The following KCNAB1 variants were observed in gnomAD, a reference collection of about 807,000 sequenced individuals.
KCNAB1 encodes voltage-gated potassium channel subunit beta-1.
Under a neutral mutation model 64.6 loss-of-function variants are expected in KCNAB1, and 35 were observed. The ratio of observed to expected loss-of-function variants is 0.54; its 90% confidence interval spans 0.41 to 0.72. The LOEUF is 0.72. Among genes scored for constraint, KCNAB1 ranks in the 30% least tolerant of loss-of-function variants. KCNAB1 has a pLI of 0.00. For synonymous variants in KCNAB1, 177 were observed against 183.8 expected, an observed-to-expected ratio of 0.96 and a Z score of 0.30; for missense variants, 401 against 512.9, an observed-to-expected ratio of 0.78 and a Z score of 2.11.
chr3:156,301,753 T>C (rs982491497), intron 1 of KCNAB1, among the ~76,000 whole-genome samples: 2 of 152,222 alleles, frequency 1.3e-5, no homozygotes, highest in African/African-American at 2.4e-5. Flanking sequence ...AATTCCTTAA[T>C]GAGAAAAACA....
rs116282061 is a variant in KCNAB1 at position 156,125,746 on chromosome 3, A to C, written c.275+4860A>C. ...CTCACACTTGCTTCTAGAAGGCTGA[A>C]TGTGGTTCTATGTGAGAAAAGGCAG... On this transcript the variant is annotated intron_variant, in intron 1 of 13. Transcript: ENST00000490337. Among the ~76,000 whole-genome samples the C allele has an allele frequency of 9.0e-3, 1,376 of 152,314 alleles. 29 individuals are homozygous for C. Among genetic ancestry groups the C allele is most frequent in the African/African-American group, 0.032 (1,325 of 41,572 alleles).
At chr3:156,528,828 G>C (rs1243409465) in intron 12 of KCNAB1, among the ~76,000 whole-genome samples, 4 of 152,164 alleles carry the variant, frequency 2.6e-5, no homozygotes, top group Admixed American at 6.5e-5. Context: ...AGGTAGGCTA[G>C]AAAATAAGGT....
At chr3:156,350,070 C>T (rs1237322898) in intron 1 of KCNAB1, among the ~76,000 whole-genome samples, 1 of 152,016 alleles carries the variant, frequency 6.6e-6, no homozygotes, top group African/African-American at 2.4e-5. Flanking sequence ...TTACATATAC[C>T]AACATTTGTA....
chr3:156,318,880 G>A (rs568621370), intron 1 of KCNAB1, among the ~76,000 whole-genome samples: 16 of 152,184 alleles, frequency 1.1e-4, no homozygotes, highest in Non-Finnish European at 1.9e-4. Flanking sequence ...GAAAACCAAG[G>A]CCCCAAGACA....
chr3:156,175,416 C>A (rs1350921594), intron 1 of KCNAB1, among the ~76,000 whole-genome samples: 1 of 152,102 alleles, frequency 6.6e-6, no homozygotes, highest in African/African-American at 2.4e-5. Context: ...GTCAGGAGAT[C>A]GAGACCATCC....
At chr3:156,143,957 C>T (rs1484770720) in intron 1 of KCNAB1, among the ~76,000 whole-genome samples, 2 of 150,546 alleles carry the variant, frequency 1.3e-5, no homozygotes, top group Non-Finnish European at 3.0e-5. Context: ...TCAGTGTCAC[C>T]CAAGATAAAT....
intron 1 of KCNAB1, among the ~76,000 whole-genome samples, chr3:156,275,740 T>C (rs1420212133): frequency 6.6e-6 from 1 of 152,232 alleles, no homozygotes; most frequent in East Asian, 1.9e-4. Context: ...TGTCTGACCA[T>C]GAGTTGCATC....
chr3:156,133,827 C>G (rs754095205), intron 1 of KCNAB1, among the ~76,000 whole-genome samples: 2 of 152,006 alleles, frequency 1.3e-5, no homozygotes, highest in Non-Finnish European at 1.5e-5. Context: ...TGTGGGAATG[C>G]GAACCAATGA....
chr3:156,118,442 C>T (rs13093154), upstream of KCNAB1: 72,569 of 353,990 alleles, frequency 0.21, 8,478 homozygotes, highest in South Asian at 0.33. Context: ...ACTTCCACCA[C>T]GTTTTACATT....
chr3:156,175,799 T>A (rs1712329491), intron 1 of KCNAB1: 1 of 595,488 alleles, frequency 1.7e-6, no homozygotes, highest in African/African-American at 1.8e-5. Context: ...GCAATAAATA[T>A]TTGACGTCAC....
At chr3:156,458,136 G>A (rs1000880248) in intron 4 of KCNAB1, among the ~76,000 whole-genome samples, 7 of 152,196 alleles carry the variant, frequency 4.6e-5, no homozygotes, top group Non-Finnish European at 7.3e-5. Flanking sequence ...GACAGGAAGG[G>A]CTGCAGAGAG....
chr3:156,397,640 A>G (rs914088003), intron 1 of KCNAB1, among the ~76,000 whole-genome samples: 2 of 152,142 alleles, frequency 1.3e-5, no homozygotes, highest in Non-Finnish European at 2.9e-5. Flanking sequence ...AGAGACATTA[A>G]AAATTACTTT....
chr3:156,428,127 T>C (rs1481270484), intron 2 of KCNAB1, among the ~76,000 whole-genome samples: 1 of 152,172 alleles, frequency 6.6e-6, no homozygotes, highest in African/African-American at 2.4e-5. Context: ...TTATTTTGGG[T>C]GCACCTACGA....
At chr3:156,394,887 T>C (rs1222523906) in intron 1 of KCNAB1, among the ~76,000 whole-genome samples, 17 of 152,254 alleles carry the variant, frequency 1.1e-4, no homozygotes, top group Admixed American at 1.1e-3. Flanking sequence ...ATGATTAATG[T>C]GTCAATCATC....
intron 1 of KCNAB1, among the ~76,000 whole-genome samples, chr3:156,203,305 C>T (rs1258723138): frequency 6.6e-6 from 1 of 152,174 alleles, no homozygotes; most frequent in Non-Finnish European, 1.5e-5. Context: ...GTTTGCTGAT[C>T]TCTGATTTAG....
chr3:156,154,682 A>G (rs1715613118), intron 1 of KCNAB1, among the ~76,000 whole-genome samples: 2 of 152,204 alleles, frequency 1.3e-5, no homozygotes, highest in East Asian at 1.9e-4. Context: ...CCTTGGTGGT[A>G]TCATCAGATC....
At chr3:156,470,267 C>T (rs925187075) in intron 7 of KCNAB1, among the ~76,000 whole-genome samples, 7 of 152,308 alleles carry the variant, frequency 4.6e-5, no homozygotes, top group African/African-American at 1.4e-4. Context: ...CACAAAGTCC[C>T]CTCAGGTTCT....
intron 1 of KCNAB1, among the ~76,000 whole-genome samples, chr3:156,344,164 T>G (rs1724324904): frequency 6.6e-6 from 1 of 152,298 alleles, no homozygotes; most frequent in South Asian, 2.1e-4. Context: ...TCCTATCATT[T>G]GAGCTCAGCT....
At chr3:156,120,476 C>T, upstream of KCNAB1, 1 of 1,005,914 alleles carries the variant, frequency 9.9e-7, no homozygotes, top group Non-Finnish European at 1.5e-6. Flanking sequence ...AGACTGGGCT[C>T]AATTACAGCT....
Sources: allele counts gnomAD v4.1 joint callset (sites outside exome capture counted in the v4.1 genomes callset), GRCh38; gene constraint gnomAD v4.1.1; transcripts MANE v1.5; gene names NCBI Gene and HGNC (gene_info 2026-07-23, HGNC 2026-07-21).